The following SH3PXD2A variants were observed in gnomAD, a reference collection of about 807,000 sequenced individuals.
SH3PXD2A encodes SH3 and PX domains 2A.
In SH3PXD2A, 32 loss-of-function variants were observed where a neutral mutation model predicts 115.2. The ratio of observed to expected loss-of-function variants is 0.28; its 90% CI spans 0.21 to 0.37. SH3PXD2A has a LOEUF of 0.37. Among genes scored for constraint, SH3PXD2A ranks in the 10% least tolerant of loss-of-function variants. SH3PXD2A has a pLI of 1.00. For synonymous variants in SH3PXD2A, 610 were observed against 629.1 expected, an observed-to-expected ratio of 0.97 and a Z score of 0.45; for missense variants, 1,328 against 1,498.7, an observed-to-expected ratio of 0.89 and a Z score of 1.88.
At chr10:103,686,499 G>A (rs1181845244) in intron 6 of SH3PXD2A, among the ~76,000 whole-genome samples, 1 of 152,172 alleles carries the variant, frequency 6.6e-6, no homozygotes, top group African/African-American at 2.4e-5. Context: ...GGGGCTCCTG[G>A]AGCAGTGCCC....
At chr10:103,787,637 C>T (rs530179107) in intron 2 of SH3PXD2A, among the ~76,000 whole-genome samples, 7 of 152,330 alleles carry the variant, frequency 4.6e-5, no homozygotes, top group South Asian at 2.1e-4. Flanking sequence ...GGCTGGCCTC[C>T]GCCAGGGCTG....
chr10:103,603,606 GGCCCTCCTC>G lies in SH3PXD2A; in HGVS notation c.1603_1611del (p.Glu535_Gly537del). On this transcript the variant is annotated inframe_deletion, in exon 15 of 15. Coordinates refer to ENST00000369774, the MANE Select transcript of SH3PXD2A (RefSeq NM_001394015.1). ...TCCTGGCTCTCACTGGCCCCCGTAGGGCCCTCCTCGGCCTCCTTGGGCTTGCTGGGGGGT... is the reference window on the plus strand; with the variant it reads ...TCCTGGCTCTCACTGGCCCCCGTAGGGGCCTCCTTGGGCTTGCTGGGGGGT... The G allele has an allele frequency of 6.2e-7, 1 of 1,604,192 alleles. No homozygotes were observed. The highest frequency in any genetic ancestry group is 8.5e-7 in the Non-Finnish European group (1 of 1,175,332).
intron 6 of SH3PXD2A, among the ~76,000 whole-genome samples, chr10:103,692,636 G>A (rs1186706438): frequency 6.6e-6 from 1 of 152,200 alleles, no homozygotes; most frequent in African/African-American, 2.4e-5. Context: ...ACCGCGAGAG[G>A]GACCGGAGAA....
intron 7 of SH3PXD2A, among the ~76,000 whole-genome samples, chr10:103,662,344 G>GGGGC (rs1554908106): frequency 6.7e-5 from 6 of 88,898 alleles, no homozygotes; most frequent in African/African-American, 2.9e-4. Flanking sequence ...TTATTGGCGG[G>GGGGC]GGGGGGGGCG....
At chr10:103,675,313 C>T (rs74154585) in intron 6 of SH3PXD2A, among the ~76,000 whole-genome samples, 3,244 of 152,252 alleles carry the variant, frequency 0.021, 51 homozygotes, top group African/African-American at 0.046. Context: ...GCAGTGGATC[C>T]TGCAAATTAT....
Position 103,620,859 on chromosome 10 carries a change from TTG to T in SH3PXD2A, c.802+1609_802+1610del, listed in dbSNP as rs1478175692. Among the ~76,000 whole-genome samples the T allele has an allele frequency of 1.3e-5, 2 of 152,084 alleles. No homozygotes were observed. The highest frequency in any genetic ancestry group is 4.8e-5 in the African/African-American group (2 of 41,408). ...ACTGGCATATATGTGGTGCAAGGCG[TTG>T]TGTGTATGAAGCTGTATGTGCCCTT... On this transcript the variant is annotated intron_variant, in intron 10 of 14. Coordinates refer to ENST00000369774, the MANE Select transcript of SH3PXD2A (RefSeq NM_001394015.1). The surrounding 1 kb of genome is among the most constrained non-coding windows in gnomAD (Gnocchi z 5.3).
rs2037384274 is a variant in SH3PXD2A at position 103,666,394 on chromosome 10, T to C, written c.472+2214A>G. Among the ~76,000 whole-genome samples, 1 of 152,212 alleles carries C rather than the reference T, an allele frequency of 6.6e-6. No homozygotes were observed. Among genetic ancestry groups the C allele is most frequent in the African/African-American group, 2.4e-5 (1 of 41,460 alleles). ...CAATTCTCCCCAAGCATCTCTGTCC[T>C]CCAGGAGGCTCCTGATCACTCTTGT... On this transcript the variant is annotated intron_variant, in intron 7 of 14. Transcript: ENST00000369774. This position sits in a 1 kb window ranked among gnomAD's most constrained non-coding sequence, Gnocchi z 4.5.
chr10:103,621,500 A>G (rs1368607194), intron 10 of SH3PXD2A, among the ~76,000 whole-genome samples: 6 of 151,964 alleles, frequency 3.9e-5, no homozygotes, highest in Non-Finnish European at 8.8e-5. Context: ...TGGGGCAGAC[A>G]CCAAAACATG....
chr10:103,817,393 T>C (rs1034497561), intron 1 of SH3PXD2A, among the ~76,000 whole-genome samples: 17 of 152,114 alleles, frequency 1.1e-4, no homozygotes, highest in African/African-American at 2.9e-4. Context: ...CAGGCTGGAG[T>C]GCAGTGGTGC....
At chr10:103,830,182 T>C (rs1293950284) in intron 1 of SH3PXD2A, among the ~76,000 whole-genome samples, 1 of 152,166 alleles carries the variant, frequency 6.6e-6, no homozygotes, top group Non-Finnish European at 1.5e-5. Flanking sequence ...ACTGGCTGAG[T>C]TCTTAAGATA....
intron 8 of SH3PXD2A, among the ~76,000 whole-genome samples, chr10:103,658,055 A>C (rs2037236986): frequency 6.6e-6 from 1 of 152,258 alleles, no homozygotes; most frequent in Admixed American, 6.5e-5. Flanking sequence ...CTTCTACTGC[A>C]TGGTGTTGTT....
At chr10:103,682,523 C>T (rs900887230) in intron 6 of SH3PXD2A, among the ~76,000 whole-genome samples, 2 of 152,120 alleles carry the variant, frequency 1.3e-5, no homozygotes, top group Admixed American at 6.5e-5. Flanking sequence ...TTTGAGAGGC[C>T]GAAGAGGGTG....
intron 1 of SH3PXD2A, among the ~76,000 whole-genome samples, chr10:103,845,625 C>G (rs1842840435): frequency 6.6e-6 from 1 of 152,192 alleles, no homozygotes. Context: ...GCTGCTCTGT[C>G]TATGGAGCAG....
intron 5 of SH3PXD2A, among the ~76,000 whole-genome samples, chr10:103,698,149 G>A (rs1473790470): frequency 6.6e-6 from 1 of 152,210 alleles, no homozygotes; most frequent in East Asian, 1.9e-4. Flanking sequence ...TTGCCATCCT[G>A]CCGTTCAGAG....
chr10:103,833,110 T>C (rs867266424), intron 1 of SH3PXD2A, among the ~76,000 whole-genome samples: 7 of 152,248 alleles, frequency 4.6e-5, no homozygotes, highest in African/African-American at 1.7e-4. Flanking sequence ...ACAAAATTGC[T>C]AACTATGGCA....
At chr10:103,712,241 T>C (rs1192234816) in intron 5 of SH3PXD2A, among the ~76,000 whole-genome samples, 3 of 152,134 alleles carry the variant, frequency 2.0e-5, no homozygotes, top group Non-Finnish European at 4.4e-5. Flanking sequence ...AGTAAAGCTG[T>C]CTGGGGGAAA....
At chr10:103,730,228 GTTTCTT>G (rs2038299087) in intron 4 of SH3PXD2A, among the ~76,000 whole-genome samples, 1 of 112,480 alleles carries the variant, frequency 8.9e-6, no homozygotes. Flanking sequence ...TTCTTTTCTC[GTTTCTT>G]TTTTTTTTTT....
intron 6 of SH3PXD2A, among the ~76,000 whole-genome samples, chr10:103,690,289 G>C (rs1000369038): frequency 2.0e-5 from 3 of 152,200 alleles, no homozygotes; most frequent in African/African-American, 7.2e-5. Context: ...ACATATATTA[G>C]TTTATCTAAT....
intron 14 of SH3PXD2A, 81 bp from the exon 15 acceptor site, chr10:103,603,870 T>C: frequency 7.1e-7 from 1 of 1,410,252 alleles, no homozygotes; most frequent in East Asian, 2.5e-5. Context: ...TATCATACTT[T>C]GGCTCTGGGA....
Sources: gnomAD v4.1 joint callset for allele counts (sites outside exome capture counted in the v4.1 genomes callset) on GRCh38, gnomAD v4.1.1 for gene constraint, Gnocchi (gnomAD v3.1) non-coding constraint, MANE v1.5 for transcripts, NCBI Gene and HGNC (gene_info 2026-07-23, HGNC 2026-07-21) for gene names.